LAMA2: variants seen among roughly 807,000 people sequenced by gnomAD.
The protein encoded by LAMA2 is laminin subunit alpha 2, also known as laminin subunit alpha-2.
In LAMA2, 269 loss-of-function variants were observed where a neutral mutation model predicts 364.8. The observed-to-expected ratio is 0.74, with a 90% confidence interval of 0.67 to 0.82. The LOEUF (loss-of-function observed/expected upper bound fraction) is 0.82. LAMA2 is among the 40% of genes least tolerant of loss of function. The pLI is 0.00. For missense variants in LAMA2, 3,807 were observed against 3,873.2 expected, an observed-to-expected ratio of 0.98 and a Z score of 0.45; for synonymous variants, 1,379 against 1,370.6, an observed-to-expected ratio of 1.01 and a Z score of -0.14.
At chr6:129,285,915 A>G (rs1789079221) in intron 18 of LAMA2, among the ~76,000 whole-genome samples, 1 of 152,144 alleles carries the variant, frequency 6.6e-6, no homozygotes, top group African/African-American at 2.4e-5. Context: ...TTTTGTGAAT[A>G]TAAGTAATTT....
chr6:128,883,388 C>A (rs1288547973), intron 1 of LAMA2, 31 bp downstream of exon 1: 2 of 1,561,748 alleles, frequency 1.3e-6, no homozygotes, highest in Admixed American at 1.9e-5. Context: ...TGGGTTGCAT[C>A]CTTTGCCGGG....
At chr6:128,990,799 T>A (rs1462335353) in intron 1 of LAMA2, among the ~76,000 whole-genome samples, 1 of 152,108 alleles carries the variant, frequency 6.6e-6, no homozygotes, top group Non-Finnish European at 1.5e-5. Context: ...ACTAAAAATG[T>A]TTTTAATTGA....
intron 29 of LAMA2, among the ~76,000 whole-genome samples, chr6:129,340,076 G>T (rs776101726): frequency 2.6e-5 from 4 of 151,944 alleles, no homozygotes; most frequent in Non-Finnish European, 5.9e-5. Context: ...TCTATCAATG[G>T]CTACAGAAAA....
intron 44 of LAMA2, among the ~76,000 whole-genome samples, chr6:129,444,004 A>C (rs899238186): frequency 6.6e-6 from 1 of 152,174 alleles, no homozygotes; most frequent in Non-Finnish European, 1.5e-5. Flanking sequence ...TAGACCTGAT[A>C]AATCAAAAAG....
intron 30 of LAMA2, among the ~76,000 whole-genome samples, chr6:129,348,057 TG>T (rs1389796444): frequency 1.3e-5 from 2 of 152,230 alleles, no homozygotes; most frequent in African/African-American, 4.8e-5. Flanking sequence ...TATGCGTGCA[TG>T]TGCGTGAGTG....
chr6:129,057,978 C>T (rs557646494), intron 2 of LAMA2, among the ~76,000 whole-genome samples: 2 of 152,312 alleles, frequency 1.3e-5, no homozygotes, highest in Non-Finnish European at 2.9e-5. Flanking sequence ...CACCCCAAAG[C>T]ATCCTTAATC....
At chr6:129,048,493 T>TTTCTTTCCTTCCTTCCTTCC (rs1384475895) in intron 1 of LAMA2, among the ~76,000 whole-genome samples, 2 of 51,346 alleles carry the variant, frequency 3.9e-5, no homozygotes, top group African/African-American at 1.5e-4. Flanking sequence ...TCTTTCTTTC[T>TTTCTTTCCTTCCTTCCTTCC]TTCCTTCCTT....
chr6:129,430,029 C>G (rs1781511533), intron 41 of LAMA2, among the ~76,000 whole-genome samples: 1 of 152,162 alleles, frequency 6.6e-6, no homozygotes, highest in Non-Finnish European at 1.5e-5. Flanking sequence ...CCACAAACTA[C>G]TCAAGTAATA....
At chr6:129,171,543 T>C (rs1319321135) in intron 9 of LAMA2, among the ~76,000 whole-genome samples, 2 of 152,154 alleles carry the variant, frequency 1.3e-5, no homozygotes, top group African/African-American at 4.8e-5. Context: ...CCGAGCGATC[T>C]GCTGTTAGTC....
chr6:128,909,898 C>A (rs1428097169), intron 1 of LAMA2, among the ~76,000 whole-genome samples: 4 of 151,316 alleles, frequency 2.6e-5, no homozygotes, highest in Admixed American at 2.6e-4. Context: ...GCTTATGAAG[C>A]TTAGTTTGGC....
intron 60 of LAMA2, among the ~76,000 whole-genome samples, chr6:129,504,394 G>C (rs1382512975): frequency 6.6e-6 from 1 of 152,070 alleles, no homozygotes; most frequent in African/African-American, 2.4e-5. Context: ...AATTAATAAC[G>C]GATTTTATTT....
At chr6:129,258,309 A>G (rs1469153402) in intron 14 of LAMA2, among the ~76,000 whole-genome samples, 1 of 152,146 alleles carries the variant, frequency 6.6e-6, no homozygotes, top group Non-Finnish European at 1.5e-5. Flanking sequence ...ATGAATAGCA[A>G]TATTATTTAT....
At chr6:128,974,762 C>G (rs1360935238) in intron 1 of LAMA2, among the ~76,000 whole-genome samples, 3 of 152,246 alleles carry the variant, frequency 2.0e-5, no homozygotes, top group Non-Finnish European at 4.4e-5. Flanking sequence ...AGCTTTCAAG[C>G]CACTTTTATG....
Position 129,192,804 on chromosome 6 carries a change from T to C in LAMA2, c.1733T>C (p.Leu578Pro). Reference protein sequence around the residue: ...SISNAEARQALPHSYYWSAPA... With the variant: ...SISNAEARQAPPHSYYWSAPA... ...AGTAACGCGGAGGCCCGGCAAGCCCTGCCGCACAGCTACTACTGGAGCGCG... is the reference window on the plus strand; with the variant it reads ...AGTAACGCGGAGGCCCGGCAAGCCCCGCCGCACAGCTACTACTGGAGCGCG... Residue 578 changes from leucine to proline, a missense_variant, in exon 12 of 65, where the codon CTG becomes CCG. Transcript: ENST00000421865. The C allele has an allele frequency of 6.2e-7, 1 of 1,614,196 alleles. No individual in the cohort carries two copies. The highest frequency in any genetic ancestry group is 8.5e-7 in the Non-Finnish European group (1 of 1,180,038).
chr6:129,402,555 A>G, intron 39 of LAMA2, 68 bp downstream of exon 39: 1 of 1,420,478 alleles, frequency 7.0e-7, no homozygotes, highest in South Asian at 1.2e-5. Flanking sequence ...ACTAGCATAA[A>G]TAGTAGAGAA....
intron 55 of LAMA2, among the ~76,000 whole-genome samples, chr6:129,486,115 GC>G (rs1715992823): frequency 2.0e-5 from 3 of 152,228 alleles, no homozygotes. Context: ...ATTCTCAGAA[GC>G]TAGCTGTCCA....
chr6:129,381,805 T>A (rs374847532), intron 34 of LAMA2, among the ~76,000 whole-genome samples: 12 of 148,758 alleles, frequency 8.1e-5, no homozygotes, highest in South Asian at 2.1e-4. Context: ...CAGAAAAAAA[T>A]TTTAATTTTC....
At chr6:129,143,849 A>G (rs1778265922) in intron 4 of LAMA2, 52 bp from the exon 5 acceptor site, 1 of 1,299,016 alleles carries the variant, frequency 7.7e-7, no homozygotes, top group Non-Finnish European at 1.1e-6. Flanking sequence ...AACAAAATCA[A>G]TATTTAAATT....
At chr6:129,221,666 T>A (rs1320111057) in intron 12 of LAMA2, among the ~76,000 whole-genome samples, 1 of 149,700 alleles carries the variant, frequency 6.7e-6, no homozygotes, top group African/African-American at 2.6e-5. Flanking sequence ...TAATATAAAT[T>A]GGTTAACCAC....
Sources: gnomAD v4.1 joint callset for allele counts (sites outside exome capture counted in the v4.1 genomes callset) on GRCh38, gnomAD v4.1.1 for gene constraint, MANE v1.5 for transcripts, NCBI Gene and HGNC (gene_info 2026-07-23, HGNC 2026-07-21) for gene names.